The following PPP1R12A variants were observed in gnomAD, a reference collection of about 807,000 sequenced individuals.
The protein encoded by PPP1R12A is protein phosphatase 1 regulatory subunit 12A.
Under a neutral mutation model 139.6 loss-of-function variants are expected in PPP1R12A, and 19 were observed. That is an observed-to-expected ratio of 0.14 (90% CI 0.09 to 0.20). PPP1R12A has a LOEUF of 0.20. PPP1R12A is among the 10% of genes least tolerant of loss of function. PPP1R12A has a pLI of 1.00. For synonymous variants in PPP1R12A, 427 were observed against 420.6 expected, an observed-to-expected ratio of 1.02 and a Z score of -0.19; for missense variants, 925 against 1,211.5, an observed-to-expected ratio of 0.76 and a Z score of 3.51.
chr12:79,871,431 T>C (rs113205012), intron 2 of PPP1R12A, among the ~76,000 whole-genome samples: 89 of 152,306 alleles, frequency 5.8e-4, no homozygotes, highest in African/African-American at 2.1e-3. Context: ...TTTCCCAGTG[T>C]AGATACAAAA....
At chr12:79,837,858 G>A (rs1267764353) in intron 3 of PPP1R12A, among the ~76,000 whole-genome samples, 1 of 152,190 alleles carries the variant, frequency 6.6e-6, no homozygotes, top group Non-Finnish European at 1.5e-5. Context: ...GGAACTGTGA[G>A]TCAAACCTCT....
intron 1 of PPP1R12A, among the ~76,000 whole-genome samples, chr12:79,893,029 G>A (rs1817021): frequency 0.79 from 119,088 of 151,536 alleles, 49,305 homozygotes; most frequent in Non-Finnish European, 0.92. Context: ...GCTTGAACCT[G>A]GGAGGTGGAG....
intron 6 of PPP1R12A, among the ~76,000 whole-genome samples, 197 bp from the exon 7 acceptor site, chr12:79,821,363 A>C (rs1395699825): frequency 6.6e-6 from 1 of 152,212 alleles, no homozygotes; most frequent in Non-Finnish European, 1.5e-5. Context: ...AAAAAGCTCC[A>C]TGCAGGGCTA....
chr12:79,835,577 G>A (rs1289230715), intron 3 of PPP1R12A, among the ~76,000 whole-genome samples: 1 of 152,092 alleles, frequency 6.6e-6, no homozygotes, highest in Non-Finnish European at 1.5e-5. Context: ...ACTGCTACCA[G>A]CCCTTAACTC....
At chr12:79,879,365 C>CA (rs544709802) in intron 1 of PPP1R12A, among the ~76,000 whole-genome samples, 260 of 145,232 alleles carry the variant, frequency 1.8e-3, no homozygotes, top group South Asian at 8.8e-3. Flanking sequence ...AAGACTGTCT[C>CA]AAAAAAAAAA....
At chr12:79,865,276 T>C (rs748128051) in intron 2 of PPP1R12A, among the ~76,000 whole-genome samples, 1 of 152,208 alleles carries the variant, frequency 6.6e-6, no homozygotes, top group Non-Finnish European at 1.5e-5. Flanking sequence ...CAGCCTTTCA[T>C]GCTAAAAACT....
intron 1 of PPP1R12A, among the ~76,000 whole-genome samples, chr12:79,923,590 G>C (rs1244174508): frequency 6.6e-6 from 1 of 152,076 alleles, no homozygotes; most frequent in Non-Finnish European, 1.5e-5. Flanking sequence ...CTTTTAAATG[G>C]AGCAAAGTCC....
intron 1 of PPP1R12A, among the ~76,000 whole-genome samples, chr12:79,914,758 G>A (rs1038878851): frequency 1.3e-5 from 2 of 151,950 alleles, no homozygotes; most frequent in African/African-American, 4.8e-5. Context: ...AACTCAGGAG[G>A]AGATAAATCT....
At chr12:79,836,441 A>C (rs1420498392) in intron 3 of PPP1R12A, among the ~76,000 whole-genome samples, 1 of 152,050 alleles carries the variant, frequency 6.6e-6, no homozygotes, top group Non-Finnish European at 1.5e-5. Flanking sequence ...TTTGAACTTC[A>C]AGTTAAAAAA....
At chr12:79,885,038 C>A (rs915550471) in intron 1 of PPP1R12A, among the ~76,000 whole-genome samples, 2 of 151,986 alleles carry the variant, frequency 1.3e-5, no homozygotes, top group African/African-American at 4.8e-5. Context: ...TATGTTTAAA[C>A]AAACATAATT....
At chr12:79,796,631 C>A in intron 17 of PPP1R12A, 151 bp downstream of exon 17, 1 of 574,486 alleles carries the variant, frequency 1.7e-6, no homozygotes, top group Non-Finnish European at 2.8e-6. Flanking sequence ...TTCTACTTTT[C>A]TCATTCTCAA....
chr12:79,905,152 A>G (rs1408126049), intron 1 of PPP1R12A, among the ~76,000 whole-genome samples: 1 of 152,136 alleles, frequency 6.6e-6, no homozygotes. Flanking sequence ...TATACCTAAC[A>G]GCCTTCAAAC....
intron 2 of PPP1R12A, among the ~76,000 whole-genome samples, chr12:79,866,135 G>C (rs1261461516): frequency 6.6e-6 from 1 of 152,080 alleles, no homozygotes; most frequent in East Asian, 1.9e-4. Context: ...CAGACCAATG[G>C]AACAGAACAG....
At chr12:79,785,192 GT>G (rs1870959539) in intron 22 of PPP1R12A, among the ~76,000 whole-genome samples, 1 of 152,150 alleles carries the variant, frequency 6.6e-6, no homozygotes, top group Non-Finnish European at 1.5e-5. Flanking sequence ...GACACTGTAA[GT>G]TTTTATGACA....
chr12:79,821,246 A>C (rs1876058584), intron 6 of PPP1R12A, 80 bp from the exon 7 acceptor site: 1 of 1,012,638 alleles, frequency 9.9e-7, no homozygotes, highest in Non-Finnish European at 1.5e-6. Context: ...AAATAATAAC[A>C]AAGTAGTTTT....
chr12:79,928,212 T>C (rs1472239934), intron 1 of PPP1R12A, among the ~76,000 whole-genome samples: 1 of 152,220 alleles, frequency 6.6e-6, no homozygotes, highest in Non-Finnish European at 1.5e-5. Context: ...AAATGCTCAG[T>C]CACAGCTTGC....
At position 79,796,777 on chromosome 12, in the gene PPP1R12A, C is replaced by A; in HGVS notation, c.2461+5G>T. Reference sequence around the variant, plus strand: ...CAAAGTGTTTTCAAAATTTGGTATTCTTACCTCTTTCATTTTCTTTTGTTA... The same window carrying A: ...CAAAGTGTTTTCAAAATTTGGTATTATTACCTCTTTCATTTTCTTTTGTTA... On this transcript the variant is annotated splice_donor_5th_base_variant and intron_variant, in intron 17 of 24. Transcript: ENST00000450142. The A allele has an allele frequency of 6.3e-7, 1 of 1,593,644 alleles. No individual in the cohort carries two copies. Among genetic ancestry groups the A allele is most frequent in the South Asian group, 1.1e-5 (1 of 88,706 alleles).
At chr12:79,929,774 A>G (rs976292834) in intron 1 of PPP1R12A, among the ~76,000 whole-genome samples, 1 of 152,174 alleles carries the variant, frequency 6.6e-6, no homozygotes, top group Non-Finnish European at 1.5e-5. Context: ...ATCTCAAAAA[A>G]AAAAAAAGAT....
chr12:79,809,565 A>G (rs1044288856), intron 10 of PPP1R12A, among the ~76,000 whole-genome samples: 4 of 152,176 alleles, frequency 2.6e-5, no homozygotes, highest in African/African-American at 9.6e-5. Flanking sequence ...GTAAGGTAAT[A>G]GATTCCTTTA....
Sources: gnomAD v4.1 joint callset for allele counts (sites outside exome capture counted in the v4.1 genomes callset) on GRCh38, gnomAD v4.1.1 for gene constraint, MANE v1.5 for transcripts, NCBI Gene and HGNC (gene_info 2026-07-23, HGNC 2026-07-21) for gene names.